Variants in MRTFA observed in about 807,000 individuals in gnomAD.
MRTFA encodes myocardin-related transcription factor A.
Under a neutral mutation model 83.5 loss-of-function variants are expected in MRTFA, and 20 were observed. The ratio of observed to expected loss-of-function variants is 0.24; its 90% confidence interval spans 0.17 to 0.35. The LOEUF is 0.35. Ranked by LOEUF, MRTFA falls within the 10% of genes least tolerant of loss-of-function variation. The pLI is 1.00. For missense variants in MRTFA, 1,200 were observed against 1,224.7 expected, an observed-to-expected ratio of 0.98 and a Z score of 0.30; for synonymous variants, 659 against 541.2, an observed-to-expected ratio of 1.22 and a Z score of -3.02.
At chr22:40,628,029 A>T (rs1403830465) in intron 1 of MRTFA, among the ~76,000 whole-genome samples, 1 of 152,192 alleles carries the variant, frequency 6.6e-6, no homozygotes, top group Non-Finnish European at 1.5e-5. Context: ...TTCCTCTAGA[A>T]GCTTCTCTTT....
chr22:40,571,251 C>G (rs553761466), intron 2 of MRTFA, among the ~76,000 whole-genome samples: 3 of 151,900 alleles, frequency 2.0e-5, no homozygotes, highest in African/African-American at 7.3e-5. Context: ...GCCTACCTCA[C>G]ACCATACACA....
chr22:40,443,784 C>T (rs1427017130), intron 4 of MRTFA, among the ~76,000 whole-genome samples: 5 of 152,106 alleles, frequency 3.3e-5, no homozygotes. Flanking sequence ...TCAGAAAGGG[C>T]CAAGTAGGAA....
chr22:40,420,536 C>T lies in MRTFA; in HGVS notation c.1222G>A (p.Val408Ile), dbSNP rs1465518369. 1 of 1,613,564 alleles carries T rather than the reference C, an allele frequency of 6.2e-7. No individual in the cohort carries two copies. Among genetic ancestry groups the T allele is most frequent in the South Asian group, 1.1e-5 (1 of 91,088 alleles). The stretch of plus-strand genomic sequence containing the variant: ...CTATTGGTAGTGGAGAGGCTGCGTA[C>T]TGGGGGGGTCCCGCTGCTTCCCAGG... The change falls in exon 11 of 15, where the codon GTA (valine) becomes ATA (isoleucine). Residue 408 changes from valine (V) to isoleucine (I), a missense_variant. Physicochemically the swap from Val to Ile is conservative, Grantham distance 29. This residue lies in a region of MRTFA where 1,107 missense variants were observed against 1,041.8 expected (regional missense o/e 1.06). Transcript: ENST00000355630.
intron 7 of MRTFA, among the ~76,000 whole-genome samples, chr22:40,426,069 AC>A (rs2052946944): frequency 6.6e-6 from 1 of 152,102 alleles, no homozygotes; most frequent in Admixed American, 6.5e-5. Context: ...CTTAAAGTGA[AC>A]CTTGACGATA....
At chr22:40,517,054 C>T (rs912603796) in intron 3 of MRTFA, among the ~76,000 whole-genome samples, 1 of 152,060 alleles carries the variant, frequency 6.6e-6, no homozygotes, top group African/African-American at 2.4e-5. Context: ...TCCCAAGCAG[C>T]TGGGACTATA....
intron 3 of MRTFA, among the ~76,000 whole-genome samples, chr22:40,497,910 G>A (rs2054383726): frequency 6.6e-6 from 1 of 152,154 alleles, no homozygotes; most frequent in Non-Finnish European, 1.5e-5. Context: ...AAGGCTGGTG[G>A]ACTGCTTGAG....
chr22:40,519,479 T>G (rs1159570985), intron 3 of MRTFA: 40 of 1,342,530 alleles, frequency 3.0e-5, no homozygotes, highest in Non-Finnish European at 3.7e-5. Flanking sequence ...CTGCCCTCTC[T>G]TCTCATGCTT....
At chr22:40,554,253 C>A (rs1458494977) in intron 2 of MRTFA, among the ~76,000 whole-genome samples, 1 of 152,156 alleles carries the variant, frequency 6.6e-6, no homozygotes, top group Non-Finnish European at 1.5e-5. Context: ...GACACACATA[C>A]TTGTGTTTTG....
At chr22:40,531,759 A>G (rs2055086078) in intron 3 of MRTFA, among the ~76,000 whole-genome samples, 1 of 152,180 alleles carries the variant, frequency 6.6e-6, no homozygotes, top group African/African-American at 2.4e-5. Flanking sequence ...TTCCTATCAT[A>G]AAGAGAGACA....
At chr22:40,622,581 G>A (rs184603516) in intron 1 of MRTFA, among the ~76,000 whole-genome samples, 1 of 152,094 alleles carries the variant, frequency 6.6e-6, no homozygotes, top group African/African-American at 2.4e-5. Context: ...GCAGGAGAAA[G>A]AGATGTGCAG....
At chr22:40,494,877 G>A (rs1356894389) in intron 3 of MRTFA, among the ~76,000 whole-genome samples, 1 of 152,120 alleles carries the variant, frequency 6.6e-6, no homozygotes, top group Non-Finnish European at 1.5e-5. Context: ...CTGGGAAACA[G>A]GGAAGGAGAC....
At chr22:40,630,736 T>C (rs963219177) in intron 1 of MRTFA, among the ~76,000 whole-genome samples, 1 of 152,230 alleles carries the variant, frequency 6.6e-6, no homozygotes, top group African/African-American at 2.4e-5. Context: ...CAGTGTCTCA[T>C]CTGTTAACCA....
chr22:40,532,891 T>C (rs1602394416), intron 3 of MRTFA, among the ~76,000 whole-genome samples: 4 of 152,158 alleles, frequency 2.6e-5, no homozygotes, highest in Admixed American at 2.0e-4. Context: ...GATCTAAAAA[T>C]AGCAAAAGAA....
chr22:40,465,315 T>C (rs1340454365), intron 3 of MRTFA, among the ~76,000 whole-genome samples: 1 of 152,204 alleles, frequency 6.6e-6, no homozygotes, highest in Non-Finnish European at 1.5e-5. Context: ...CATTCAACAA[T>C]GGTTTCTTGT....
At chr22:40,591,408 T>C (rs992027633) in intron 2 of MRTFA, among the ~76,000 whole-genome samples, 2 of 152,298 alleles carry the variant, frequency 1.3e-5, no homozygotes, top group African/African-American at 4.8e-5. Context: ...AAGAGTGGTA[T>C]GTTTGACCAG....
At chr22:40,437,468 T>C (rs1010483023) in intron 4 of MRTFA, among the ~76,000 whole-genome samples, 2 of 152,104 alleles carry the variant, frequency 1.3e-5, no homozygotes, top group Admixed American at 6.6e-5. Context: ...TTTATATAAA[T>C]ACTACGTATC....
intron 2 of MRTFA, among the ~76,000 whole-genome samples, chr22:40,575,429 C>T (rs2055853691): frequency 6.6e-6 from 1 of 151,964 alleles, no homozygotes; most frequent in Non-Finnish European, 1.5e-5. Context: ...AAATATTATA[C>T]TCAGATTAAA....
At chr22:40,478,970 G>C (rs993141892) in intron 3 of MRTFA, among the ~76,000 whole-genome samples, 1 of 152,130 alleles carries the variant, frequency 6.6e-6, no homozygotes, top group Admixed American at 6.5e-5. Flanking sequence ...TACCATTCCA[G>C]AGGAGTGAAT....
intron 3 of MRTFA, among the ~76,000 whole-genome samples, chr22:40,525,685 T>C (rs986235267): frequency 1.3e-5 from 2 of 152,148 alleles, no homozygotes; most frequent in African/African-American, 4.8e-5. Flanking sequence ...CTCTATACTG[T>C]AGTGCCTCTT....
Sources: allele counts gnomAD v4.1 joint callset (sites outside exome capture counted in the v4.1 genomes callset), GRCh38; gene constraint gnomAD v4.1.1; regional missense constraint gnomAD v4.1.1; transcripts MANE v1.5; gene names NCBI Gene and HGNC (gene_info 2026-07-23, HGNC 2026-07-21).